Variants in NELL1 observed in about 807,000 individuals in gnomAD.
NELL1 encodes neural EGFL like 1, also known as protein kinase C-binding protein NELL1.
Under a neutral mutation model 107.4 loss-of-function variants are expected in NELL1, and 76 were observed. That is an observed-to-expected ratio of 0.71 (90% CI 0.59 to 0.86). The LOEUF (loss-of-function observed/expected upper bound fraction) is 0.86, where lower values mean the gene tolerates loss of function less well. NELL1 is among the 40% of genes least tolerant of loss of function. The pLI, the probability that NELL1 is intolerant of heterozygous loss-of-function variation, is 0.00. For synonymous variants in NELL1, 353 were observed against 341.2 expected (o/e 1.03, Z -0.38); for missense variants, 1,024 against 1,005.5 (o/e 1.02, Z -0.25).
chr11:21,075,269 C>A (rs1854107550), intron 12 of NELL1, among the ~76,000 whole-genome samples: 1 of 152,102 alleles, frequency 6.6e-6, no homozygotes, highest in Admixed American at 6.6e-5. Context: ...GTGATCTATC[C>A]CTTGTTTGTT....
chr11:21,309,266 A>G (rs1050866051), intron 14 of NELL1, among the ~76,000 whole-genome samples: 2 of 38,080 alleles, frequency 5.3e-5, no homozygotes, highest in African/African-American at 8.1e-5. Context: ...ATATGTATAT[A>G]TATATATATA....
rs537744272 is a variant in NELL1, at chr11:20,685,858, A to T, written c.184+7798A>T. On this transcript the variant is annotated intron_variant, in intron 2 of 19. Coordinates refer to ENST00000357134, the MANE Select transcript of NELL1 (RefSeq NM_006157.5). ...GATTAAAATCAGCATTTTTTGTTTTAATTTATTTCATCCTCACTACTATGA... is the reference window on the plus strand; with the variant it reads ...GATTAAAATCAGCATTTTTTGTTTTTATTTATTTCATCCTCACTACTATGA... 1.7e-3 allele frequency among the ~76,000 whole-genome samples: 259 copies of T among 152,146 alleles called. 2 individuals are homozygous for T. The highest frequency in any genetic ancestry group is 6.1e-3 in the African/African-American group (253 of 41,542).
chr11:21,486,267 G>A (rs1001557394), intron 15 of NELL1, among the ~76,000 whole-genome samples: 9 of 152,126 alleles, frequency 5.9e-5, no homozygotes, highest in African/African-American at 9.7e-5. Flanking sequence ...ACAGGGACCC[G>A]AAGACTGGCC....
At chr11:20,801,975 G>T (rs1354988373) in intron 3 of NELL1, among the ~76,000 whole-genome samples, 1 of 152,116 alleles carries the variant, frequency 6.6e-6, no homozygotes, top group Non-Finnish European at 1.5e-5. Flanking sequence ...ATGCCATTTG[G>T]GTTACTATAG....
chr11:21,266,101 C>T (rs919664712), intron 14 of NELL1, among the ~76,000 whole-genome samples: 6 of 152,114 alleles, frequency 3.9e-5, no homozygotes, highest in East Asian at 3.9e-4. Context: ...AGTCCAGATA[C>T]GCAGTCAGTT....
At chr11:21,059,377 C>G (rs976355676) in intron 12 of NELL1, among the ~76,000 whole-genome samples, 1 of 151,770 alleles carries the variant, frequency 6.6e-6, no homozygotes, top group African/African-American at 2.4e-5. Flanking sequence ...ATTTTTCCAG[C>G]TGCTTTTCAT....
intron 13 of NELL1, among the ~76,000 whole-genome samples, chr11:21,133,545 A>G (rs1052714564): frequency 1.3e-5 from 2 of 151,952 alleles, no homozygotes; most frequent in Non-Finnish European, 2.9e-5. Flanking sequence ...CCTCCTTCCC[A>G]TGCTCATCAG....
intron 14 of NELL1, among the ~76,000 whole-genome samples, chr11:21,328,533 A>T (rs1850198935): frequency 6.6e-6 from 1 of 152,140 alleles, no homozygotes; most frequent in African/African-American, 2.4e-5. Flanking sequence ...CTCCACACAG[A>T]GTTCCCACTG....
rs373700820 is a variant in NELL1, at chr11:20,701,690, G to A, written c.184+23630G>A. On this transcript the variant is annotated intron_variant, in intron 2 of 19. Coordinates refer to ENST00000357134, the MANE Select transcript of NELL1 (RefSeq NM_006157.5). The stretch of plus-strand genomic sequence containing the variant: ...CATCTTGAATTCATTTTTGTATAAG[G>A]TGTAAGGAAGGGATCCAGTTTCAGC... Among the ~76,000 whole-genome samples, 35 of 152,220 alleles carry A rather than the reference G, an allele frequency of 2.3e-4. No individual in the cohort carries two copies. The East Asian group carries it at 3.1e-3, about 13-fold the overall frequency.
intron 15 of NELL1, among the ~76,000 whole-genome samples, chr11:21,376,025 T>C (rs1174608789): frequency 6.6e-6 from 1 of 152,176 alleles, no homozygotes; most frequent in Admixed American, 6.6e-5. Context: ...ATAGTTTATT[T>C]TGCTGTGAAG....
In NELL1 at chr11:21,113,641, T is replaced by C. The variant is rs764987064; in HGVS notation, c.1353T>C (p.Cys451=). The C allele has an allele frequency of 3.3e-5, 53 of 1,612,412 alleles. No homozygotes were observed. Among genetic ancestry groups the C allele is most frequent in the Non-Finnish European group, 4.5e-5 (53 of 1,178,788 alleles). Residue 451 remains cysteine (C), a synonymous_variant, in exon 13 of 20, where the codon TGT becomes TGC. Transcript: ENST00000357134. ...ATTACTGTCATGCCAATACTGTGTG[T>C]GTCAACCTTCCTGGGTTATATCGCT... ...KMHYCHANTV[C]VNLPGLYRCD... is the part of the protein sequence containing the mutation.
chr11:20,933,833 T>G (rs2134180221), intron 9 of NELL1, among the ~76,000 whole-genome samples: 1 of 152,352 alleles, frequency 6.6e-6, no homozygotes, highest in African/African-American at 2.4e-5. Context: ...GCCAGGTGTC[T>G]GTCGGTGCAA....
At chr11:20,815,918 C>T (rs189433133) in intron 3 of NELL1, among the ~76,000 whole-genome samples, 104 of 152,180 alleles carry the variant, frequency 6.8e-4, no homozygotes, top group Non-Finnish European at 9.9e-4. Flanking sequence ...GGAGCCCTTT[C>T]CCCATTGCTT....
At chr11:21,302,007 A>G (rs1849502082) in intron 14 of NELL1, among the ~76,000 whole-genome samples, 1 of 152,070 alleles carries the variant, frequency 6.6e-6, no homozygotes, top group African/African-American at 2.4e-5. Context: ...GAGGCAGTAT[A>G]GGTTCCATGC....
chr11:21,434,862 A>G (rs1564891753), intron 15 of NELL1, among the ~76,000 whole-genome samples: 1 of 151,952 alleles, frequency 6.6e-6, no homozygotes, highest in Non-Finnish European at 1.5e-5. Flanking sequence ...TTTCATCAAC[A>G]TTTTGTAGTT....
intron 14 of NELL1, among the ~76,000 whole-genome samples, chr11:21,320,587 A>C (rs189095983): frequency 6.6e-6 from 1 of 152,312 alleles, no homozygotes; most frequent in Admixed American, 6.5e-5. Flanking sequence ...AGATGAAGAC[A>C]CTGTACTAAA....
intron 12 of NELL1, among the ~76,000 whole-genome samples, chr11:21,005,347 G>A (rs1232345639): frequency 1.3e-5 from 2 of 152,086 alleles, no homozygotes; most frequent in African/African-American, 4.8e-5. Flanking sequence ...CACTCTTTTT[G>A]ACTTAGAGGC....
intron 13 of NELL1, among the ~76,000 whole-genome samples, chr11:21,205,752 T>G (rs1439371307): frequency 6.6e-6 from 1 of 152,186 alleles, no homozygotes; most frequent in Non-Finnish European, 1.5e-5. Context: ...ACAAAGTAGA[T>G]GGTTGTCTCT....
intron 4 of NELL1, among the ~76,000 whole-genome samples, chr11:20,881,283 T>C (rs1280773621): frequency 6.6e-6 from 1 of 152,250 alleles, no homozygotes; most frequent in Admixed American, 6.5e-5. Context: ...ATTTAAAAGT[T>C]CTACCAAATT....
Sources: allele counts gnomAD v4.1 joint callset (sites outside exome capture counted in the v4.1 genomes callset), GRCh38; gene constraint gnomAD v4.1.1; transcripts MANE v1.5; gene names NCBI Gene and HGNC (gene_info 2026-07-23, HGNC 2026-07-21).